PLXNC1: variants seen among roughly 807,000 people sequenced by gnomAD.
The protein encoded by PLXNC1 is plexin C1.
A neutral mutation model predicts 178.2 loss-of-function variants in PLXNC1; 75 were observed. The ratio of observed to expected loss-of-function variants is 0.42; its 90% CI spans 0.35 to 0.51. The LOEUF is 0.51. Among genes scored for constraint, PLXNC1 ranks in the 20% least tolerant of loss-of-function variants. The probability of loss-of-function intolerance (pLI) is 0.02; values close to 1 mark genes in which losing one functional copy is unlikely to be tolerated. For missense variants in PLXNC1, 1,503 were observed against 1,984.4 expected, an observed-to-expected ratio of 0.76 and a Z score of 4.61; for synonymous variants, 790 against 779.9, an observed-to-expected ratio of 1.01 and a Z score of -0.22.
At chr12:94,232,689 T>C (rs532363186) in intron 9 of PLXNC1, among the ~76,000 whole-genome samples, 19 of 152,294 alleles carry the variant, frequency 1.2e-4, no homozygotes, top group African/African-American at 4.6e-4. Context: ...TTCATTTTCA[T>C]GAAGCAGTTG....
At chr12:94,215,734 A>C (rs1341276403) in intron 5 of PLXNC1, among the ~76,000 whole-genome samples, 2 of 152,150 alleles carry the variant, frequency 1.3e-5, no homozygotes, top group African/African-American at 2.4e-5. Flanking sequence ...ATTTCATAAA[A>C]TGTGTGAGAT....
At chr12:94,232,974 C>T (rs548680027) in intron 9 of PLXNC1, among the ~76,000 whole-genome samples, 155 of 152,248 alleles carry the variant, frequency 1.0e-3, no homozygotes, top group African/African-American at 3.6e-3. Flanking sequence ...ATTGGTTAAA[C>T]CATACTACTG....
intron 21 of PLXNC1, among the ~76,000 whole-genome samples, chr12:94,265,935 A>G (rs1000912277): frequency 6.6e-6 from 1 of 152,216 alleles, no homozygotes; most frequent in African/African-American, 2.4e-5. Context: ...CAAGCAGGGA[A>G]GGTAACTTTA....
At chr12:94,150,129 G>C in intron 1 of PLXNC1, 96 bp downstream of exon 1, 3 of 1,049,402 alleles carry the variant, frequency 2.9e-6, no homozygotes, top group Non-Finnish European at 4.0e-6. Context: ...CGGCGGGGCG[G>C]GGGTACAGCC....
At chr12:94,153,357 C>T (rs1042477618) in intron 1 of PLXNC1, among the ~76,000 whole-genome samples, 1 of 152,254 alleles carries the variant, frequency 6.6e-6, no homozygotes, top group African/African-American at 2.4e-5. Flanking sequence ...GAAGGCAGTA[C>T]ATGCCTCTAA....
At chr12:94,150,184 C>G (rs1461956163) in intron 1 of PLXNC1, 151 bp downstream of exon 1, 4 of 637,394 alleles carry the variant, frequency 6.3e-6, no homozygotes, top group Non-Finnish European at 1.0e-5. Context: ...GGGCGGCCGT[C>G]CGAAGGCTCC....
At chr12:94,207,396 T>A (rs1963332654) in intron 4 of PLXNC1, among the ~76,000 whole-genome samples, 1 of 152,196 alleles carries the variant, frequency 6.6e-6, no homozygotes, top group African/African-American at 2.4e-5. Flanking sequence ...TGTCCCCAGA[T>A]TTAAACTTTT....
At chr12:94,152,123 A>T (rs1314758281) in intron 1 of PLXNC1, among the ~76,000 whole-genome samples, 2 of 152,206 alleles carry the variant, frequency 1.3e-5, no homozygotes, top group Non-Finnish European at 2.9e-5. Context: ...AGCCAAGTTA[A>T]ATAATATACT....
At chr12:94,220,359 T>A (rs1963760250) in intron 6 of PLXNC1, among the ~76,000 whole-genome samples, 196 bp downstream of exon 6, 1 of 152,090 alleles carries the variant, frequency 6.6e-6, no homozygotes, top group Admixed American at 6.6e-5. Context: ...GACCCCACTA[T>A]CAGATATGCC....
chr12:94,229,092 G>A (rs1250482413), intron 9 of PLXNC1, among the ~76,000 whole-genome samples: 1 of 152,104 alleles, frequency 6.6e-6, no homozygotes, highest in Non-Finnish European at 1.5e-5. Context: ...TTTGATAGTA[G>A]CCATCCTAAT....
At chr12:94,226,356 A>G (rs1163286695) in intron 7 of PLXNC1, 2 of 408,926 alleles carry the variant, frequency 4.9e-6, no homozygotes, top group East Asian at 5.2e-5. Context: ...TTGGGTTCCT[A>G]TTATCTACAG....
At chr12:94,193,218 T>A (rs1322873311) in intron 4 of PLXNC1, among the ~76,000 whole-genome samples, 1 of 152,120 alleles carries the variant, frequency 6.6e-6, no homozygotes, top group Non-Finnish European at 1.5e-5. Context: ...AGGGCTTTAA[T>A]TAAAAGTGCG....
At chr12:94,166,784 T>C (rs1210304282) in intron 1 of PLXNC1, among the ~76,000 whole-genome samples, 1 of 151,764 alleles carries the variant, frequency 6.6e-6, no homozygotes, top group Non-Finnish European at 1.5e-5. Flanking sequence ...TTTTTTTTTT[T>C]AAGGTAAGGT....
intron 12 of PLXNC1, among the ~76,000 whole-genome samples, chr12:94,245,738 GC>G (rs1964512293): frequency 6.6e-6 from 1 of 152,168 alleles, no homozygotes; most frequent in African/African-American, 2.4e-5. Context: ...GTCCTCGCAG[GC>G]CCGTGCTGGG....
chr12:94,177,053 ATGTG>A (rs63244061), intron 2 of PLXNC1, among the ~76,000 whole-genome samples: 12,697 of 137,286 alleles, frequency 0.092, 641 homozygotes, highest in African/African-American at 0.12. Context: ...TTTCATATAT[ATGTG>A]TGTGTGTGTG....
intron 24 of PLXNC1, among the ~76,000 whole-genome samples, chr12:94,295,976 C>A (rs879531826): frequency 2.0e-5 from 3 of 152,230 alleles, no homozygotes; most frequent in Non-Finnish European, 2.9e-5. Flanking sequence ...CACCTGCCTT[C>A]TTCCTTGATG....
intron 28 of PLXNC1, among the ~76,000 whole-genome samples, chr12:94,301,583 G>C (rs550785015): frequency 6.6e-6 from 1 of 152,282 alleles, no homozygotes; most frequent in Admixed American, 6.5e-5. Context: ...ACAAAAATCA[G>C]AGCAAACTTC....
At chr12:94,184,266 C>T (rs1272240921) in intron 3 of PLXNC1, among the ~76,000 whole-genome samples, 1 of 151,428 alleles carries the variant, frequency 6.6e-6, no homozygotes, top group Non-Finnish European at 1.5e-5. Flanking sequence ...TACAGTCACA[C>T]GCTACCATGC....
intron 23 of PLXNC1, among the ~76,000 whole-genome samples, chr12:94,286,547 A>G (rs1456045348): frequency 6.6e-6 from 1 of 151,390 alleles, no homozygotes; most frequent in Non-Finnish European, 1.5e-5. Context: ...CAAAGAGACA[A>G]GATGCTAATT....
Sources: allele counts gnomAD v4.1 joint callset (sites outside exome capture counted in the v4.1 genomes callset), GRCh38; gene constraint gnomAD v4.1.1; transcripts MANE v1.5; gene names NCBI Gene and HGNC (gene_info 2026-07-23, HGNC 2026-07-21).